ABCC4: variants seen among roughly 807,000 people sequenced by gnomAD.
The protein encoded by ABCC4 is ATP binding cassette subfamily C member 4 (PEL blood group).
A neutral mutation model predicts 168.5 loss-of-function variants in ABCC4; 102 were observed. The ratio of observed to expected loss-of-function variants is 0.61; its 90% CI spans 0.52 to 0.71. The LOEUF is 0.71. Among genes scored for constraint, ABCC4 ranks in the 30% least tolerant of loss-of-function variants. ABCC4 has a pLI of 0.00. For synonymous variants in ABCC4, 617 were observed against 590.7 expected, an observed-to-expected ratio of 1.04 and a Z score of -0.65; for missense variants, 1,402 against 1,605.8, an observed-to-expected ratio of 0.87 and a Z score of 2.17.
chr13:95,273,225 A>C (rs2040887637), intron 1 of ABCC4, among the ~76,000 whole-genome samples: 1 of 152,148 alleles, frequency 6.6e-6, no homozygotes, highest in African/African-American at 2.4e-5. Context: ...ATGTGTTACA[A>C]TTATTTGGGG....
intron 13 of ABCC4, among the ~76,000 whole-genome samples, chr13:95,174,398 A>G (rs1320558088): frequency 6.6e-6 from 1 of 152,206 alleles, no homozygotes; most frequent in Non-Finnish European, 1.5e-5. Context: ...GTTCAATCCA[A>G]TTTTCTAACT....
chr13:95,179,287 CAG>C (rs574109764), intron 11 of ABCC4, among the ~76,000 whole-genome samples: 136 of 152,018 alleles, frequency 8.9e-4, no homozygotes, highest in African/African-American at 3.1e-3. Context: ...AATAGACTGA[CAG>C]AAAAAAAACT....
At chr13:95,291,248 G>A (rs2041397515) in intron 1 of ABCC4, among the ~76,000 whole-genome samples, 1 of 151,946 alleles carries the variant, frequency 6.6e-6, no homozygotes, top group Non-Finnish European at 1.5e-5. Context: ...CCAGCTACTT[G>A]GGGGGCTGAA....
In ABCC4 at chr13:95,021,377, C is replaced by T. The variant is rs2031076916; in HGVS notation, c.*198G>A. 5.8e-6 allele frequency: 3 copies of T among 515,254 alleles called. No individual in the cohort carries two copies. The highest frequency in any genetic ancestry group is 6.8e-6 in the Non-Finnish European group (2 of 292,922). 31.9% of individuals were successfully genotyped at this position (515,254 alleles called of 1,614,324 possible). A position where few individuals can be genotyped will look rare whatever the true frequency, so the allele number is the denominator to read the frequency against. Reference sequence around the variant, plus strand: ...CTCTGATTTGGATTTTAAAAAACAACTATTGACATTTAAATAAAAATAAAC... The same window carrying T: ...CTCTGATTTGGATTTTAAAAAACAATTATTGACATTTAAATAAAAATAAAC... On this transcript the variant is annotated 3_prime_UTR_variant, in exon 31 of 31. Coordinates refer to ENST00000645237, the MANE Select transcript of ABCC4 (RefSeq NM_005845.5).
intron 19 of ABCC4, among the ~76,000 whole-genome samples, chr13:95,139,907 G>A (rs939794354): frequency 4.6e-4 from 70 of 152,142 alleles, no homozygotes; most frequent in African/African-American, 1.2e-3. Flanking sequence ...CCCTTGGCAC[G>A]AAGCTGGCAA....
At chr13:95,129,053 T>G (rs2035875389) in intron 19 of ABCC4, among the ~76,000 whole-genome samples, 1 of 152,196 alleles carries the variant, frequency 6.6e-6, no homozygotes, top group Non-Finnish European at 1.5e-5. Flanking sequence ...AAGCATGATT[T>G]TGGCACTTCA....
At position 95,031,345 on chromosome 13, in the gene ABCC4, T is replaced by G. The variant is rs73555559; in HGVS notation, c.3870+3260A>C. Among the ~76,000 whole-genome samples the G allele has an allele frequency of 8.5e-3, 1,298 of 152,310 alleles. 23 individuals are homozygous for G. The highest frequency in any genetic ancestry group is 0.03 in the African/African-American group (1,247 of 41,560). ...GTGAATTTGGGCGACTAGCTGCATC[T>G]TGGATACCAAATGAGACAAGGAGCA... On this transcript the variant is annotated intron_variant, in intron 30 of 30. Transcript: ENST00000645237.
chr13:95,038,985 C>A (rs751995019), intron 29 of ABCC4, among the ~76,000 whole-genome samples: 75 of 152,074 alleles, frequency 4.9e-4, no homozygotes, highest in Non-Finnish European at 8.4e-4. Context: ...GGAATGAGGG[C>A]AGAGGCTTGA....
intron 18 of ABCC4, among the ~76,000 whole-genome samples, chr13:95,162,229 CAT>C (rs2037121263): frequency 6.6e-6 from 1 of 152,158 alleles, no homozygotes; most frequent in East Asian, 1.9e-4. Flanking sequence ...TTAGTTTCCA[CAT>C]AGTCCATCAG....
At chr13:95,025,599 C>T (rs1460326728) in intron 30 of ABCC4, among the ~76,000 whole-genome samples, 1 of 150,688 alleles carries the variant, frequency 6.6e-6, no homozygotes, top group Non-Finnish European at 1.5e-5. Context: ...GCCCTAGCCA[C>T]AACTATCCTG....
chr13:95,134,243 A>T (rs1454314020), intron 19 of ABCC4, among the ~76,000 whole-genome samples: 1 of 152,214 alleles, frequency 6.6e-6, no homozygotes, highest in Non-Finnish European at 1.5e-5. Context: ...TTTTAAAAAG[A>T]GAGGATAGAG....
intron 9 of ABCC4, 24 bp downstream of exon 9, chr13:95,194,812 G>T (rs887078217): frequency 3.8e-6 from 6 of 1,576,828 alleles, no homozygotes; most frequent in Admixed American, 3.4e-5. Context: ...CAGCAGTCAT[G>T]ATCTTGCATT....
At chr13:95,120,599 T>TA (rs1377388074) in intron 19 of ABCC4, among the ~76,000 whole-genome samples, 2 of 148,904 alleles carry the variant, frequency 1.3e-5, no homozygotes, top group Non-Finnish European at 3.0e-5. Flanking sequence ...GAATTGGCCT[T>TA]AGATATTCCT....
intron 4 of ABCC4, among the ~76,000 whole-genome samples, chr13:95,218,989 G>GAAAAAA (rs1275043272): frequency 0.015 from 932 of 63,774 alleles, 70 homozygotes; most frequent in African/African-American, 0.036. Flanking sequence ...AAGAAAGAGT[G>GAAAAAA]AGAAAGAAAG....
In ABCC4 at chr13:95,140,483, A is replaced by G. The variant is rs1462089682; in HGVS notation, c.2455+20706T>C. On this transcript the variant is annotated intron_variant, in intron 19 of 30. Coordinates refer to ENST00000645237, the MANE Select transcript of ABCC4 (RefSeq NM_005845.5). ...ATATGGATATCTTTACAGATAGTTA[A>G]AAAGATATCAACAGAATAATTGCCT... Among the ~76,000 whole-genome samples the G allele has an allele frequency of 2.0e-5, 3 of 152,380 alleles. No homozygotes were observed. The East Asian group carries it at 5.8e-4, about 29-fold the overall frequency.
intron 1 of ABCC4, among the ~76,000 whole-genome samples, chr13:95,278,655 G>T (rs941131286): frequency 1.3e-5 from 2 of 151,904 alleles, no homozygotes; most frequent in South Asian, 4.2e-4. Flanking sequence ...AAATTAGCCA[G>T]GCATGGTGGT....
intron 20 of ABCC4, among the ~76,000 whole-genome samples, chr13:95,100,103 T>C (rs914589376): frequency 2.0e-5 from 3 of 152,176 alleles, no homozygotes; most frequent in African/African-American, 7.2e-5. Context: ...CTCTCCTGGG[T>C]AATAGCTGTC....
intron 19 of ABCC4, among the ~76,000 whole-genome samples, chr13:95,124,098 G>A (rs1320957642): frequency 1.3e-5 from 2 of 152,146 alleles, no homozygotes; most frequent in East Asian, 3.9e-4. Flanking sequence ...AGGATCAGGT[G>A]TTGAGGGCCT....
intron 13 of ABCC4, among the ~76,000 whole-genome samples, chr13:95,175,314 T>A (rs181559382): frequency 1.5e-3 from 228 of 152,220 alleles, no homozygotes; most frequent in African/African-American, 4.8e-3. Context: ...AAATTTTTTT[T>A]TTATTATTAT....
Sources: gnomAD v4.1 joint callset for allele counts (sites outside exome capture counted in the v4.1 genomes callset) on GRCh38, gnomAD v4.1.1 for gene constraint, MANE v1.5 for transcripts, NCBI Gene and HGNC (gene_info 2026-07-23, HGNC 2026-07-21) for gene names.